Variants in RGS10 observed in about 807,000 individuals in gnomAD.
RGS10 encodes the protein regulator of G-protein signalling 10.
RGS10 carries 11 observed loss-of-function variants against 23.5 expected under a neutral mutation model. The ratio of observed to expected loss-of-function variants is 0.47; its 90% confidence interval spans 0.29 to 0.77. The LOEUF is 0.77. Among genes scored for constraint, RGS10 ranks in the 30% least tolerant of loss-of-function variants. The probability of loss-of-function intolerance (pLI) is 0.08; values close to 1 mark genes in which losing one functional copy is unlikely to be tolerated. For synonymous variants in RGS10, 77 were observed against 83.2 expected, an observed-to-expected ratio of 0.92 and a Z score of 0.41; for missense variants, 180 against 226.3, an observed-to-expected ratio of 0.80 and a Z score of 1.31.
In RGS10 at chr10:119,499,987, C is replaced by T. The variant is rs540848997; in HGVS notation, c.*126G>A. The T allele has an allele frequency of 1.8e-5, 16 of 893,034 alleles. No individual in the cohort carries two copies. Among genetic ancestry groups the T allele is most frequent in the Non-Finnish European group, 2.7e-5 (16 of 603,702 alleles). 55.3% of individuals were successfully genotyped at this position (893,034 alleles called of 1,614,324 possible). A position where few individuals can be genotyped will look rare whatever the true frequency, so the allele number is the denominator to read the frequency against. The stretch of plus-strand genomic sequence containing the variant: ...TACTGGTGAAGCAGTTAATAAAACA[C>T]ACATCCCATTGAAGGGTTTTGTACA... On this transcript the variant is annotated 3_prime_UTR_variant, in exon 5 of 5. Transcript: ENST00000369103.
intron 1 of RGS10, among the ~76,000 whole-genome samples, chr10:119,542,309 G>T (rs1296650570): frequency 6.6e-6 from 1 of 152,218 alleles, no homozygotes; most frequent in Non-Finnish European, 1.5e-5. Flanking sequence ...TTGGAGATTT[G>T]GGGCGCTCCT....
At chr10:119,540,043 C>T (rs142328588) in intron 1 of RGS10, among the ~76,000 whole-genome samples, 147 of 152,182 alleles carry the variant, frequency 9.7e-4, no homozygotes, top group African/African-American at 3.4e-3. Flanking sequence ...CCCAAATGAC[C>T]CCTTTCTCAC....
At chr10:119,503,436 A>C (rs1843974220) in intron 4 of RGS10, among the ~76,000 whole-genome samples, 1 of 152,110 alleles carries the variant, frequency 6.6e-6, no homozygotes, top group Admixed American at 6.5e-5. Flanking sequence ...CATCTATCAC[A>C]GGGAAAAGAG....
chr10:119,512,036 C>T (rs1844082140), intron 4 of RGS10, among the ~76,000 whole-genome samples: 2 of 152,188 alleles, frequency 1.3e-5, no homozygotes, highest in Non-Finnish European at 2.9e-5. Context: ...TAGCCTGGGG[C>T]TCAGGGAAGA....
At chr10:119,516,903 C>T (rs1844150960) in intron 3 of RGS10, among the ~76,000 whole-genome samples, 1 of 152,318 alleles carries the variant, frequency 6.6e-6, no homozygotes, top group South Asian at 2.1e-4. Context: ...ACAGCAAAAG[C>T]GGGGCTGTTT....
intron 4 of RGS10, among the ~76,000 whole-genome samples, chr10:119,502,138 A>G (rs1288958035): frequency 6.6e-6 from 1 of 151,384 alleles, no homozygotes; most frequent in African/African-American, 2.4e-5. Flanking sequence ...TTACAGAAAA[A>G]AAAAACAAAC....
Position 119,500,175 on chromosome 10 carries a change from C to T in RGS10, c.484G>A (p.Glu162Lys). The change falls in exon 5 of 5, where the codon GAA becomes AAA. Residue 162 changes from glutamate to lysine, a missense_variant. Physicochemically the swap from Glu to Lys is moderately conservative, Grantham distance 56. Coordinates refer to ENST00000369103, the MANE Select transcript of RGS10 (RefSeq NM_001005339.2). ...GTTTGAGCATCAGGCAAATCTTCTT[C>T]CTCTTCCTCGGTTCGCTTGTGTTTT... is the stretch of plus-strand genomic sequence containing the variant. ...FLKHKRTEEEEEDLPDAQTAA... is the reference protein window; with the variant it reads ...FLKHKRTEEEKEDLPDAQTAA... The T allele has an allele frequency of 6.2e-7, 1 of 1,614,042 alleles. No homozygotes were observed. The highest frequency in any genetic ancestry group is 8.5e-7 in the Non-Finnish European group (1 of 1,179,978).
intron 4 of RGS10, among the ~76,000 whole-genome samples, chr10:119,506,048 C>T (rs541792787): frequency 4.8e-4 from 73 of 152,290 alleles, no homozygotes; most frequent in Middle Eastern, 3.4e-3. Flanking sequence ...TAGAATGCGT[C>T]CTCTCTTCAC....
At position 119,526,067 on chromosome 10, in the gene RGS10, AT is replaced by A; in HGVS notation, c.219del (p.Cys74ValfsTer22). The A allele has an allele frequency of 6.3e-7, 1 of 1,581,326 alleles. No individual in the cohort carries two copies. Among genetic ancestry groups the A allele is most frequent in the Non-Finnish European group, 8.6e-7 (1 of 1,164,000 alleles). ...FSEENVLFWL[A>X]CEDFKKMQDK... Reference sequence around the variant, plus strand: ...TCTTGCATTTTCTTAAAATCTTCACATGCTAGCCAAAACAAAACATTTTCTT... The same window carrying A: ...TCTTGCATTTTCTTAAAATCTTCACAGCTAGCCAAAACAAAACATTTTCTT... On this transcript the variant is annotated frameshift_variant, in exon 3 of 5. Coordinates refer to ENST00000369103, the MANE Select transcript of RGS10 (RefSeq NM_001005339.2). LOFTEE classifies it high-confidence loss of function.
intron 1 of RGS10, among the ~76,000 whole-genome samples, chr10:119,529,182 G>A (rs1404108510): frequency 2.6e-5 from 4 of 152,202 alleles, no homozygotes; most frequent in Non-Finnish European, 5.9e-5. Flanking sequence ...GCCGGGCACG[G>A]TGGCTCACGC....
Position 119,499,924 on chromosome 10 carries a change from AT to A in RGS10, c.*188del. ...AAACTAAAACTTCCAAGTTATTATT[AT>A]TCTTTTTTTATGTTAGCTTAGCCAT... is the stretch of plus-strand genomic sequence containing the variant. On this transcript the variant is annotated 3_prime_UTR_variant, in exon 5 of 5. Coordinates refer to ENST00000369103, the MANE Select transcript of RGS10 (RefSeq NM_001005339.2). The A allele has an allele frequency of 1.9e-6, 1 of 536,362 alleles. No homozygotes were observed. Among genetic ancestry groups the A allele is most frequent in the Non-Finnish European group, 3.2e-6 (1 of 312,104 alleles). 33.2% of individuals were successfully genotyped at this position (536,362 alleles called of 1,614,324 possible).
At chr10:119,502,601 G>C (rs1448186100) in intron 4 of RGS10, among the ~76,000 whole-genome samples, 1 of 152,210 alleles carries the variant, frequency 6.6e-6, no homozygotes, top group Non-Finnish European at 1.5e-5. Flanking sequence ...CAGAGGAGGA[G>C]GGGGAGGGAA....
intron 3 of RGS10, among the ~76,000 whole-genome samples, chr10:119,520,716 C>T (rs975424480): frequency 5.3e-5 from 8 of 150,496 alleles, no homozygotes; most frequent in African/African-American, 2.0e-4. Context: ...TATGGCCCCC[C>T]AGGAAGAGAC....
chr10:119,526,139 A>G (rs768698019), intron 2 of RGS10, 21 bp from the exon 3 acceptor site: 4 of 1,258,114 alleles, frequency 3.2e-6, no homozygotes, highest in East Asian at 4.7e-5. Flanking sequence ...AAAGAAAAAG[A>G]GTCACACAGT....
chr10:119,521,034 T>A (rs1320883675), intron 3 of RGS10, among the ~76,000 whole-genome samples: 4 of 152,192 alleles, frequency 2.6e-5, no homozygotes, highest in African/African-American at 7.2e-5. Context: ...ACTCCGCCTC[T>A]GCCTCCAAAG....
chr10:119,507,579 CTTTTTTTTTT>C (rs35699150), intron 4 of RGS10, among the ~76,000 whole-genome samples: 1 of 64,400 alleles, frequency 1.6e-5, no homozygotes, highest in Non-Finnish European at 2.7e-5. Flanking sequence ...TCACCCAAGG[CTTTTTTTTTT>C]TTTTTTTTTT....
At chr10:119,536,470 T>C (rs1199713258) in intron 1 of RGS10, 1 of 1,613,088 alleles carries the variant, frequency 6.2e-7, no homozygotes, top group Admixed American at 1.7e-5. Context: ...TTACGTTCCA[T>C]GCTCTGGTGT....
chr10:119,523,475 G>C (rs1564713557), intron 3 of RGS10, among the ~76,000 whole-genome samples: 1 of 151,490 alleles, frequency 6.6e-6, no homozygotes, highest in Non-Finnish European at 1.5e-5. Context: ...GACCAGCCTG[G>C]CAAACATGGT....
Position 119,499,831 on chromosome 10 carries a change from C to T in RGS10, c.*282G>A. 1 of 308,434 alleles carries T rather than the reference C, an allele frequency of 3.2e-6. No individual in the cohort carries two copies. 19.1% of individuals were successfully genotyped at this position (308,434 alleles called of 1,614,324 possible). A position where few individuals can be genotyped will look rare whatever the true frequency, so the allele number is the denominator to read the frequency against. On this transcript the variant is annotated 3_prime_UTR_variant, in exon 5 of 5. Coordinates refer to ENST00000369103, the MANE Select transcript of RGS10 (RefSeq NM_001005339.2). ...AGTGTGATACGTTTCACCTTGTGGC[C>T]TTACATGAGGTTTAATTAAGCTACA... is the stretch of plus-strand genomic sequence containing the variant.
Sources: allele counts gnomAD v4.1 joint callset (sites outside exome capture counted in the v4.1 genomes callset), GRCh38; gene constraint gnomAD v4.1.1; transcripts MANE v1.5; gene names NCBI Gene and HGNC (gene_info 2026-07-23, HGNC 2026-07-21).